RTN1: variants seen among roughly 807,000 people sequenced by gnomAD.
RTN1 encodes reticulon 1.
A neutral mutation model predicts 65.5 loss-of-function variants in RTN1; 25 were observed. The ratio of observed to expected loss-of-function variants is 0.38; its 90% CI spans 0.28 to 0.53. The LOEUF is 0.53. Among genes scored for constraint, RTN1 ranks in the 20% least tolerant of loss-of-function variants. The probability of loss-of-function intolerance (pLI) is 0.79; values close to 1 mark genes in which losing one functional copy is unlikely to be tolerated. For missense variants in RTN1, 983 were observed against 1,025.4 expected (o/e 0.96, Z 0.57); for synonymous variants, 471 against 447.6 (o/e 1.05, Z -0.66).
At chr14:59,728,424 G>A (rs575104185) in intron 2 of RTN1, among the ~76,000 whole-genome samples, 30 of 151,796 alleles carry the variant, frequency 2.0e-4, no homozygotes, top group Middle Eastern at 3.4e-3. Context: ...ACTTCCTCTC[G>A]AGAAGAACAA....
At chr14:59,602,071 T>C (rs778928826) in intron 8 of RTN1, among the ~76,000 whole-genome samples, 4 of 152,114 alleles carry the variant, frequency 2.6e-5, no homozygotes, top group African/African-American at 9.7e-5. Flanking sequence ...ATGTAAATAA[T>C]ACACAGTAAA....
intron 3 of RTN1, among the ~76,000 whole-genome samples, chr14:59,688,417 G>C (rs565924187): frequency 6.6e-6 from 1 of 152,176 alleles, no homozygotes; most frequent in Non-Finnish European, 1.5e-5. Context: ...GCTGGTGCTC[G>C]TGCATGCCAT....
chr14:59,775,985 T>C (rs1235865691), intron 1 of RTN1, among the ~76,000 whole-genome samples: 1 of 152,154 alleles, frequency 6.6e-6, no homozygotes, highest in East Asian at 1.9e-4. Context: ...AACAATGAAA[T>C]AAAGATGATT....
chr14:59,603,015 T>C, intron 8 of RTN1, 50 bp downstream of exon 8: 1 of 1,481,942 alleles, frequency 6.7e-7, no homozygotes, highest in Non-Finnish European at 9.4e-7. Flanking sequence ...TCCACTCAAA[T>C]GCTGATGTAA....
chr14:59,602,432 A>G (rs1489965966), intron 8 of RTN1, among the ~76,000 whole-genome samples: 1 of 152,156 alleles, frequency 6.6e-6, no homozygotes, highest in African/African-American at 2.4e-5. Flanking sequence ...AAAACTCCTA[A>G]GTTTAATGAT....
intron 1 of RTN1, among the ~76,000 whole-genome samples, chr14:59,792,704 A>G (rs1306233117): frequency 6.6e-6 from 1 of 152,154 alleles, no homozygotes; most frequent in Non-Finnish European, 1.5e-5. Context: ...GGTCACACTT[A>G]ATGGTAAATA....
intron 1 of RTN1, among the ~76,000 whole-genome samples, chr14:59,795,440 C>T (rs1295067341): frequency 6.6e-6 from 1 of 152,094 alleles, no homozygotes; most frequent in African/African-American, 2.4e-5. Context: ...GTGGTTCATG[C>T]CTGTAATCCT....
intron 3 of RTN1, among the ~76,000 whole-genome samples, chr14:59,618,701 A>T (rs955887829): frequency 1.3e-5 from 2 of 152,244 alleles, no homozygotes; most frequent in Non-Finnish European, 2.9e-5. Flanking sequence ...CTTCCAAAAC[A>T]AAATAGTTGC....
At chr14:59,804,656 C>A (rs575344879) in intron 1 of RTN1, among the ~76,000 whole-genome samples, 1 of 152,090 alleles carries the variant, frequency 6.6e-6, no homozygotes, top group African/African-American at 2.4e-5. Context: ...ATGGTTGGTA[C>A]GGGTGACAGT....
At chr14:59,749,591 A>G (rs1203081969) in intron 1 of RTN1, among the ~76,000 whole-genome samples, 2 of 42,356 alleles carry the variant, frequency 4.7e-5, no homozygotes, top group Non-Finnish European at 7.1e-5. Context: ...AGATATTTAT[A>G]TATATATCTA....
chr14:59,831,140 C>G (rs1173895538), intron 1 of RTN1, among the ~76,000 whole-genome samples: 1 of 152,210 alleles, frequency 6.6e-6, no homozygotes, highest in Non-Finnish European at 1.5e-5. Flanking sequence ...CCTCTTCAAC[C>G]CACCTGTGGT....
At chr14:59,642,485 A>C (rs976417558) in intron 3 of RTN1, among the ~76,000 whole-genome samples, 1 of 151,988 alleles carries the variant, frequency 6.6e-6, no homozygotes, top group Non-Finnish European at 1.5e-5. Context: ...CAAGTTTTTT[A>C]TACTCTACTC....
Position 59,607,392 on chromosome 14 carries a change from G to C in RTN1, c.1866C>G (p.Ser622Arg). 1 of 1,614,008 alleles carries C rather than the reference G, an allele frequency of 6.2e-7. No homozygotes were observed. Residue 622 changes from serine to arginine, a missense_variant, in exon 4 of 9, where the codon AGC becomes AGG. By Grantham distance (110) the Ser-to-Arg change is moderately radical. Coordinates refer to ENST00000267484, the MANE Select transcript of RTN1 (RefSeq NM_021136.3). Reference sequence around the variant, plus strand: ...CGGCCAGGGCCAGGTAGGCCACGACGCTCACCACGCTGAACTGGGTCAGGG... The same window carrying C: ...CGGCCAGGGCCAGGTAGGCCACGACCCTCACCACGCTGAACTGGGTCAGGG... ...LFSLTQFSVV[S>R]VVAYLALAAL...
intron 3 of RTN1, among the ~76,000 whole-genome samples, chr14:59,618,054 C>A (rs1882152668): frequency 6.8e-6 from 1 of 146,714 alleles, no homozygotes; most frequent in African/African-American, 2.6e-5. Context: ...TTAACTAACT[C>A]CATCTTGCTT....
chr14:59,727,242 G>A lies in RTN1; in HGVS notation c.1442C>T (p.Pro481Leu). The A allele has an allele frequency of 1.3e-6, 2 of 1,546,202 alleles. No individual in the cohort carries two copies. Among genetic ancestry groups the A allele is most frequent in the East Asian group, 2.4e-5 (1 of 42,428 alleles). Reference sequence around the variant, plus strand: ...CGGGGGTGAGTCCTGCTCCCGCTTGGGGCTCTCCTCCGAGGCCGAGGAGGC... The same window carrying A: ...CGGGGGTGAGTCCTGCTCCCGCTTGAGGCTCTCCTCCGAGGCCGAGGAGGC... ...CDASSASEES[P>L]KREQDSPPMK... Residue 481 changes from proline (P) to leucine (L), a missense_variant, in exon 3 of 9, where the codon CCC becomes CTC. Physicochemically the swap from Pro to Leu is moderately conservative, Grantham distance 98. Transcript: ENST00000267484. The surrounding 1 kb of genome is among the most constrained non-coding windows in gnomAD (Gnocchi z 4.2).
chr14:59,867,232 G>A (rs1283669257), intron 1 of RTN1, among the ~76,000 whole-genome samples: 3 of 152,062 alleles, frequency 2.0e-5, no homozygotes, highest in African/African-American at 7.2e-5. Flanking sequence ...GTTATTGTAT[G>A]CTCCTTTTGA....
Position 59,727,256 on chromosome 14 carries a change from G to T in RTN1, c.1428C>A (p.Ala476=). Reference sequence around the variant, plus strand: ...GCTCCCGCTTGGGGCTCTCCTCCGAGGCCGAGGAGGCGTCGCACGACTCGA... The same window carrying T: ...GCTCCCGCTTGGGGCTCTCCTCCGATGCCGAGGAGGCGTCGCACGACTCGA... ...LIIESCDASS[A]SEESPKREQD... The change falls in exon 3 of 9, where the codon GCC becomes GCA. Residue 476 remains alanine, a synonymous_variant. Transcript: ENST00000267484. This position sits in a 1 kb window ranked among gnomAD's most constrained non-coding sequence, Gnocchi z 4.2. The T allele has an allele frequency of 6.6e-7, 1 of 1,521,740 alleles. No individual in the cohort carries two copies. Among genetic ancestry groups the T allele is most frequent in the Non-Finnish European group, 8.8e-7 (1 of 1,134,370 alleles). 94.3% of individuals were successfully genotyped at this position (1,521,740 alleles called of 1,614,324 possible). A position where few individuals can be genotyped will look rare whatever the true frequency, so the allele number is the denominator to read the frequency against.
chr14:59,772,508 C>T (rs1005252912), intron 1 of RTN1, among the ~76,000 whole-genome samples: 6 of 151,614 alleles, frequency 4.0e-5, no homozygotes, highest in Non-Finnish European at 7.4e-5. Flanking sequence ...TACGTGACAG[C>T]CCAATTCCTT....
intron 1 of RTN1, among the ~76,000 whole-genome samples, chr14:59,845,079 A>G (rs1887381188): frequency 6.6e-6 from 1 of 152,222 alleles, no homozygotes; most frequent in African/African-American, 2.4e-5. Flanking sequence ...CACTTTATAA[A>G]TGAACTTCAC....
Sources: allele counts gnomAD v4.1 joint callset (sites outside exome capture counted in the v4.1 genomes callset), GRCh38; gene constraint gnomAD v4.1.1; non-coding constraint Gnocchi (gnomAD v3.1); transcripts MANE v1.5; gene names NCBI Gene and HGNC (gene_info 2026-07-23, HGNC 2026-07-21).